TSPAN18: variants seen among roughly 807,000 people sequenced by gnomAD.
TSPAN18 encodes the protein tetraspanin 18, also known as tetraspanin-18.
A neutral mutation model predicts 27.3 loss-of-function variants in TSPAN18; 14 were observed. The observed-to-expected ratio is 0.51, with a 90% confidence interval of 0.34 to 0.80. The LOEUF (loss-of-function observed/expected upper bound fraction) is 0.80. TSPAN18 is among the 30% of genes least tolerant of loss of function. The pLI, the probability that TSPAN18 is intolerant of heterozygous loss-of-function variation, is 0.01. For synonymous variants in TSPAN18, 143 were observed against 136.5 expected, an observed-to-expected ratio of 1.05 and a Z score of -0.33; for missense variants, 268 against 323.9, an observed-to-expected ratio of 0.83 and a Z score of 1.32.
chr11:44,898,057 T>C (rs1335392674), intron 3 of TSPAN18, among the ~76,000 whole-genome samples: 1 of 152,234 alleles, frequency 6.6e-6, no homozygotes, highest in African/African-American at 2.4e-5. Context: ...CATCCAGATA[T>C]ATAATTGAGG....
chr11:44,928,793 A>AC (rs1860462291), intron 9 of TSPAN18, among the ~76,000 whole-genome samples: 1 of 78,848 alleles, frequency 1.3e-5, no homozygotes, highest in Admixed American at 1.2e-4. Flanking sequence ...CTCAAAAAAG[A>AC]AAAAAAAAAC....
intron 2 of TSPAN18, among the ~76,000 whole-genome samples, chr11:44,853,385 C>T (rs908919425): frequency 3.3e-5 from 5 of 152,018 alleles, no homozygotes; most frequent in Non-Finnish European, 7.4e-5. Context: ...GAGTGGAATT[C>T]GAAGGCCCAT....
chr11:44,793,559 C>T (rs1856279326), intron 2 of TSPAN18, among the ~76,000 whole-genome samples: 1 of 152,002 alleles, frequency 6.6e-6, no homozygotes, highest in African/African-American at 2.4e-5. Flanking sequence ...CTTTTTCCAC[C>T]TCAGTTTTCT....
intron 3 of TSPAN18, among the ~76,000 whole-genome samples, chr11:44,877,802 C>T (rs749224260): frequency 2.7e-4 from 41 of 151,760 alleles, no homozygotes; most frequent in Admixed American, 1.5e-3. Context: ...GTAAGCTAGT[C>T]GTGGGAAAAT....
chr11:44,925,395 G>T (rs1860314806), intron 8 of TSPAN18, among the ~76,000 whole-genome samples: 1 of 152,108 alleles, frequency 6.6e-6, no homozygotes, highest in South Asian at 2.1e-4. Context: ...TTTCTATCTG[G>T]GTATGTCCTG....
intron 5 of TSPAN18, among the ~76,000 whole-genome samples, chr11:44,914,102 G>T (rs1476307310): frequency 2.6e-5 from 4 of 152,184 alleles, no homozygotes; most frequent in Admixed American, 6.5e-5. Flanking sequence ...GGCTTCCCAG[G>T]TTTATTCTTA....
Position 44,929,383 on chromosome 11 carries a change from T to A in TSPAN18, c.*205T>A. The A allele has an allele frequency of 1.5e-6, 1 of 646,734 alleles. No individual in the cohort carries two copies. Among genetic ancestry groups the A allele is most frequent in the East Asian group, 2.8e-5 (1 of 35,508 alleles). 40.1% of individuals were successfully genotyped at this position (646,734 alleles called of 1,614,324 possible). A position where few individuals can be genotyped will look rare whatever the true frequency, so the allele number is the denominator to read the frequency against. On this transcript the variant is annotated 3_prime_UTR_variant, in exon 10 of 10. Coordinates refer to ENST00000520358, the MANE Select transcript of TSPAN18 (RefSeq NM_130783.5). ...AAATATGGACTGATGTATCCTCGCC[T>A]GGACTCAGGGCAGGTGCCGTGGGTT...
At chr11:44,809,496 G>A (rs1856669312) in intron 2 of TSPAN18, among the ~76,000 whole-genome samples, 1 of 152,256 alleles carries the variant, frequency 6.6e-6, no homozygotes, top group African/African-American at 2.4e-5. Flanking sequence ...CATTTGAGAA[G>A]CAGAGAGCCA....
chr11:44,750,717 A>G (rs1855190628), intron 1 of TSPAN18, among the ~76,000 whole-genome samples: 1 of 152,182 alleles, frequency 6.6e-6, no homozygotes, highest in African/African-American at 2.4e-5. Flanking sequence ...AATAGGCGAG[A>G]TCCCTGGAGT....
chr11:44,903,680 T>A (rs1380724171), intron 3 of TSPAN18: 1 of 455,564 alleles, frequency 2.2e-6, no homozygotes, highest in Non-Finnish European at 4.4e-6. Flanking sequence ...GAGGATGATG[T>A]CATCCGATTT....
At chr11:44,736,209 A>G (rs766984971) in intron 1 of TSPAN18, 2 of 152,156 alleles carry the variant, frequency 1.3e-5, no homozygotes, top group Non-Finnish European at 2.9e-5. Context: ...AAGGAGGTGA[A>G]TGTCTGTGTC....
intron 5 of TSPAN18, among the ~76,000 whole-genome samples, chr11:44,913,696 A>G (rs1215312848): frequency 2.0e-5 from 3 of 152,278 alleles, no homozygotes; most frequent in South Asian, 2.1e-4. Context: ...CAGATGGGTT[A>G]GAAAAGCCTG....
intron 2 of TSPAN18, among the ~76,000 whole-genome samples, chr11:44,766,458 G>A (rs1312848666): frequency 2.0e-5 from 3 of 152,212 alleles, no homozygotes; most frequent in Non-Finnish European, 1.5e-5. Context: ...ATCCTGCCCA[G>A]TATTCTTAAT....
At chr11:44,840,199 T>A (rs984930582) in intron 2 of TSPAN18, among the ~76,000 whole-genome samples, 2 of 152,212 alleles carry the variant, frequency 1.3e-5, no homozygotes, top group Admixed American at 6.5e-5. Flanking sequence ...CATGACCAAC[T>A]GCTGAGCACT....
Position 44,929,302 on chromosome 11 carries a change from CAGG to C in TSPAN18, c.*127_*129del. The C allele has an allele frequency of 2.5e-6, 3 of 1,205,534 alleles. No homozygotes were observed. Among genetic ancestry groups the C allele is most frequent in the South Asian group, 2.6e-5 (2 of 78,270 alleles). 74.7% of individuals were successfully genotyped at this position (1,205,534 alleles called of 1,614,324 possible). On this transcript the variant is annotated 3_prime_UTR_variant, in exon 10 of 10. Transcript: ENST00000520358. ...AGAAGATGAGGCCATCAGAGATGGC[CAGG>C]AGAAGGGCCAGGGGAATAGAGCTAT...
chr11:44,732,509 C>T (rs1239504574), intron 1 of TSPAN18, among the ~76,000 whole-genome samples: 2 of 152,142 alleles, frequency 1.3e-5, no homozygotes, highest in East Asian at 3.9e-4. Flanking sequence ...AGCCGAAAAG[C>T]CCCAGGAATG....
rs144973363 is a variant in TSPAN18, at chr11:44,793,396, C to A, written c.-153+28884C>A. On this transcript the variant is annotated intron_variant, in intron 2 of 9. Coordinates refer to ENST00000520358, the MANE Select transcript of TSPAN18 (RefSeq NM_130783.5). ...TTAGGAGCAAATGTACTCAGAAACG[C>A]ACCAGGCATCAGAACGGAAATGGCT... 2.2e-4 allele frequency among the ~76,000 whole-genome samples: 33 copies of A among 152,284 alleles called. No homozygotes were observed. The South Asian group carries it at 3.9e-3, about 18-fold the overall frequency.
At position 44,792,714 on chromosome 11, in the gene TSPAN18, G is replaced by A. The variant is rs566577027; in HGVS notation, c.-153+28202G>A. The stretch of plus-strand genomic sequence containing the variant: ...CAGTGGGGTTCCTCCCGGAAGAGGT[G>A]ACACCTCAGTTAGCTCTTGAAGGAG... On this transcript the variant is annotated intron_variant, in intron 2 of 9. Coordinates refer to ENST00000520358, the MANE Select transcript of TSPAN18 (RefSeq NM_130783.5). Among the ~76,000 whole-genome samples, 19 of 152,280 alleles carry A rather than the reference G, an allele frequency of 1.2e-4. No individual in the cohort carries two copies. The East Asian group carries it at 3.5e-3, about 28-fold the overall frequency.
intron 8 of TSPAN18, among the ~76,000 whole-genome samples, chr11:44,920,353 G>A (rs1860082171): frequency 6.6e-6 from 1 of 152,018 alleles, no homozygotes; most frequent in African/African-American, 2.4e-5. Flanking sequence ...GCACAGTGGG[G>A]GGCCCTTCTT....
Sources: allele counts gnomAD v4.1 joint callset (sites outside exome capture counted in the v4.1 genomes callset), GRCh38; gene constraint gnomAD v4.1.1; transcripts MANE v1.5; gene names NCBI Gene and HGNC (gene_info 2026-07-23, HGNC 2026-07-21).